PARD3B: variants seen among roughly 807,000 people sequenced by gnomAD.
PARD3B encodes the protein par-3 family cell polarity regulator beta, also known as partitioning defective 3 homolog B.
A neutral mutation model predicts 130.2 loss-of-function variants in PARD3B; 103 were observed. That is an observed-to-expected ratio of 0.79 (90% confidence interval 0.67 to 0.93). PARD3B has a LOEUF of 0.93. Ranked by LOEUF, PARD3B falls within the 40% of genes least tolerant of loss-of-function variation. The pLI, the probability that PARD3B is intolerant of heterozygous loss-of-function variation, is 0.00. For synonymous variants in PARD3B, 583 were observed against 553.2 expected (o/e 1.05, Z -0.76); for missense variants, 1,609 against 1,499.2 (o/e 1.07, Z -1.21).
intron 18 of PARD3B, among the ~76,000 whole-genome samples, chr2:205,327,937 T>C (rs1474640530): frequency 1.3e-5 from 2 of 152,198 alleles, no homozygotes; most frequent in African/African-American, 4.8e-5. Flanking sequence ...ATTTTTTCTG[T>C]TGAAAAGCTC....
At position 205,287,250 on chromosome 2, in the gene PARD3B, G is replaced by A. The variant is rs2105859176; in HGVS notation, c.2186-13280G>A. Reference sequence around the variant, plus strand: ...GAGAATAGAATATGAAGTCAAGACTGTGAGTTACAATGGAAAGAAAACAAT... The same window carrying A: ...GAGAATAGAATATGAAGTCAAGACTATGAGTTACAATGGAAAGAAAACAAT... On this transcript the variant is annotated intron_variant, in intron 16 of 22. Coordinates refer to ENST00000406610, the MANE Select transcript of PARD3B (RefSeq NM_001302769.2). This position sits in a 1 kb window ranked among gnomAD's most constrained non-coding sequence, Gnocchi z 4.8. Among the ~76,000 whole-genome samples, 1 of 152,316 alleles carries A rather than the reference G, an allele frequency of 6.6e-6. No homozygotes were observed. Among genetic ancestry groups the A allele is most frequent in the East Asian group, 1.9e-4 (1 of 5,178 alleles).
intron 10 of PARD3B, among the ~76,000 whole-genome samples, chr2:205,132,609 C>T (rs566131360): frequency 1.3e-4 from 20 of 152,258 alleles, no homozygotes; most frequent in Non-Finnish European, 2.5e-4. Flanking sequence ...GGGTTCACCT[C>T]AGCATGCGCC....
intron 2 of PARD3B, among the ~76,000 whole-genome samples, chr2:204,872,292 T>C (rs1215067291): frequency 6.6e-6 from 1 of 151,970 alleles, no homozygotes; most frequent in Non-Finnish European, 1.5e-5. Context: ...ATAACATACA[T>C]GTAATATATA....
intron 18 of PARD3B, among the ~76,000 whole-genome samples, chr2:205,338,618 A>C (rs1220436276): frequency 6.6e-6 from 1 of 152,218 alleles, no homozygotes; most frequent in Admixed American, 6.5e-5. Flanking sequence ...CTAATCAGTT[A>C]ATTGTAATTA....
At chr2:205,232,232 T>C (rs564963281) in intron 15 of PARD3B, among the ~76,000 whole-genome samples, 160 of 152,300 alleles carry the variant, frequency 1.1e-3, no homozygotes, top group Non-Finnish European at 7.4e-4. Context: ...GGAGGATTGC[T>C]TGAGGCCGAG....
rs1380039397 is a variant in PARD3B at position 204,799,427 on chromosome 2, C to T, written c.222+113145C>T. Among the ~76,000 whole-genome samples, 1 of 152,110 alleles carries T rather than the reference C, an allele frequency of 6.6e-6. No individual in the cohort carries two copies. The highest frequency in any genetic ancestry group is 1.5e-5 in the Non-Finnish European group (1 of 68,008). ...CTTCTGGACAGCATTCCTGGAGGTA[C>T]CCTGGATCAAGGAAGACCTCATTAC... On this transcript the variant is annotated intron_variant, in intron 2 of 22. Coordinates refer to ENST00000406610, the MANE Select transcript of PARD3B (RefSeq NM_001302769.2). The surrounding 1 kb of genome is among the most constrained non-coding windows in gnomAD (Gnocchi z 4.1).
chr2:205,174,675 A>G (rs1305910334), intron 12 of PARD3B, among the ~76,000 whole-genome samples: 1 of 152,188 alleles, frequency 6.6e-6, no homozygotes, highest in East Asian at 1.9e-4. Flanking sequence ...CAGGCAAATC[A>G]ATTAGTTAGA....
chr2:204,686,031 CAAAT>C (rs1411604555), intron 1 of PARD3B, 146 bp from the exon 2 acceptor site: 1 of 572,426 alleles, frequency 1.7e-6, no homozygotes, highest in Non-Finnish European at 3.1e-6. Flanking sequence ...TATTTTTTTC[CAAAT>C]AAATAGATAA....
At chr2:204,935,133 C>T (rs76501719) in intron 2 of PARD3B, among the ~76,000 whole-genome samples, 12,199 of 142,572 alleles carry the variant, frequency 0.086, 1,630 homozygotes, top group African/African-American at 0.29. Flanking sequence ...ATTTTTCATT[C>T]TTGTTTTCCC....
chr2:204,954,482 T>C (rs1690065091), intron 2 of PARD3B, among the ~76,000 whole-genome samples: 1 of 152,200 alleles, frequency 6.6e-6, no homozygotes, highest in South Asian at 2.1e-4. Context: ...GCTAAACGTG[T>C]TCATGCTAAA....
At chr2:205,262,891 C>T (rs545673681) in intron 16 of PARD3B, among the ~76,000 whole-genome samples, 105 of 152,122 alleles carry the variant, frequency 6.9e-4, no homozygotes, top group Non-Finnish European at 1.1e-3. Context: ...AATTATATTT[C>T]TGGATATGAA....
At chr2:205,294,291 A>G (rs2041711004) in intron 16 of PARD3B, among the ~76,000 whole-genome samples, 1 of 152,126 alleles carries the variant, frequency 6.6e-6, no homozygotes, top group African/African-American at 2.4e-5. Context: ...GAAATAGTTT[A>G]ACCACTAAGT....
intron 3 of PARD3B, among the ~76,000 whole-genome samples, chr2:205,009,670 CA>C (rs11305876): frequency 0.67 from 86,123 of 128,308 alleles, 26,719 homozygotes; most frequent in East Asian, 0.89. Context: ...GACTCCGTCT[CA>C]AAAAAAAAAA....
rs2036515990 is a variant in PARD3B, at chr2:204,675,960, T to TAAAG, written c.121-10221_121-10220insAAAG. 6.6e-6 allele frequency among the ~76,000 whole-genome samples: 1 copy of TAAAG among 152,040 alleles called. No homozygotes were observed. The highest frequency in any genetic ancestry group is 1.5e-5 in the Non-Finnish European group (1 of 68,020). On this transcript the variant is annotated intron_variant, in intron 1 of 22. Transcript: ENST00000406610. The surrounding 1 kb of genome is among the most constrained non-coding windows in gnomAD (Gnocchi z 4.4). ...AATACCTTTTCTATGGCTTAACCTT[T>TAAAG]GTTAAGCCATACTGGTTTATACATA...
chr2:205,282,489 G>A lies in PARD3B; in HGVS notation c.2186-18041G>A, dbSNP rs185612831. 4.4e-3 allele frequency among the ~76,000 whole-genome samples: 572 copies of A among 129,668 alleles called. 4 individuals are homozygous for A. Among genetic ancestry groups the A allele is most frequent in the Admixed American group, 9.9e-3 (110 of 11,082 alleles). 85.1% of individuals were successfully genotyped at this position (129,668 alleles called of 152,430 possible). The stretch of plus-strand genomic sequence containing the variant: ...TATATATATATATATTTGTATGTGT[G>A]TATATATATATTTATGTGTATATAT... On this transcript the variant is annotated intron_variant, in intron 16 of 22. Coordinates refer to ENST00000406610, the MANE Select transcript of PARD3B (RefSeq NM_001302769.2).
At chr2:205,531,805 T>C (rs936098140) in intron 21 of PARD3B, among the ~76,000 whole-genome samples, 10 of 152,214 alleles carry the variant, frequency 6.6e-5, no homozygotes, top group Non-Finnish European at 7.3e-5. Flanking sequence ...GGTGATCTGA[T>C]GCATATGGAT....
rs1346342871 is a variant in PARD3B at position 205,473,680 on chromosome 2, GTATGTA to G, written c.3045-26212_3045-26207del. ...TGTGTGTGTGTGTGTGTGTGTGTGT[GTATGTA>G]TATATATATATATATATATATATAC... On this transcript the variant is annotated intron_variant, in intron 20 of 22. Transcript: ENST00000406610. This position sits in a 1 kb window ranked among gnomAD's most constrained non-coding sequence, Gnocchi z 4.9. Among the ~76,000 whole-genome samples the G allele has an allele frequency of 0.042, 3,599 of 85,956 alleles. 59 individuals are homozygous for G. Among genetic ancestry groups the G allele is most frequent in the Non-Finnish European group, 0.052 (2,473 of 47,736 alleles). The allele number at this position is 85,956 out of a possible 152,430, so 56.4% of individuals were successfully genotyped here.
intron 16 of PARD3B, among the ~76,000 whole-genome samples, chr2:205,293,294 G>A (rs1209264244): frequency 2.0e-5 from 3 of 151,984 alleles, no homozygotes; most frequent in Non-Finnish European, 4.4e-5. Flanking sequence ...TGAGAGTACT[G>A]TCATATACAA....
chr2:204,810,548 C>T (rs2042928570), intron 2 of PARD3B, among the ~76,000 whole-genome samples: 1 of 152,012 alleles, frequency 6.6e-6, no homozygotes, highest in South Asian at 2.1e-4. Flanking sequence ...ATGTAGTTTT[C>T]TGCATCTATT....
Sources: allele counts gnomAD v4.1 joint callset (sites outside exome capture counted in the v4.1 genomes callset), GRCh38; gene constraint gnomAD v4.1.1; non-coding constraint Gnocchi (gnomAD v3.1); transcripts MANE v1.5; gene names NCBI Gene and HGNC (gene_info 2026-07-23, HGNC 2026-07-21).